The following CACNA1S variants were observed in gnomAD, a reference collection of about 807,000 sequenced individuals.
CACNA1S encodes the protein voltage-dependent L-type calcium channel subunit alpha-1S.
CACNA1S carries 126 observed loss-of-function variants against 207.4 expected under a neutral mutation model. That is an observed-to-expected ratio of 0.61 (90% CI 0.53 to 0.70). CACNA1S has a LOEUF of 0.70. CACNA1S is among the 30% of genes least tolerant of loss of function. The pLI, the probability that CACNA1S is intolerant of heterozygous loss-of-function variation, is 0.00. For missense variants in CACNA1S, 2,349 were observed against 2,422.8 expected (o/e 0.97, Z 0.64); for synonymous variants, 960 against 932.7 (o/e 1.03, Z -0.53).
Position 201,097,459 on chromosome 1 carries a change from C to T in CACNA1S, c.259-3438G>A, listed in dbSNP as rs903972381. Among the ~76,000 whole-genome samples the T allele has an allele frequency of 1.1e-4, 17 of 152,174 alleles. No individual in the cohort carries two copies. In the East Asian group the frequency reaches 1.2e-3, roughly 10 times the overall value. On this transcript the variant is annotated intron_variant, in intron 2 of 43. Transcript: ENST00000362061. ...CCCCAGCCTCCACCTTTGCTCATCCCGGCCCCTCTGCCCAGAGTGTCCCTG... is the reference window on the plus strand; with the variant it reads ...CCCCAGCCTCCACCTTTGCTCATCCTGGCCCCTCTGCCCAGAGTGTCCCTG...
rs115263725 is a variant in CACNA1S, at chr1:201,063,808, C to T, written c.2854-1294G>A. Among the ~76,000 whole-genome samples, 977 of 152,246 alleles carry T rather than the reference C, an allele frequency of 6.4e-3. 12 individuals carry two copies. The highest frequency in any genetic ancestry group is 0.022 in the African/African-American group (904 of 41,544). ...GCTGGAGCAGAAGGTGAAGGTGAGG[C>T]GGGTGGTACTGGGGGTAAGCAGAGA... On this transcript the variant is annotated intron_variant, in intron 22 of 43. Coordinates refer to ENST00000362061, the MANE Select transcript of CACNA1S (RefSeq NM_000069.3).
At chr1:201,058,121 T>C (rs1446292317) in intron 28 of CACNA1S, among the ~76,000 whole-genome samples, 1 of 152,318 alleles carries the variant, frequency 6.6e-6, no homozygotes, top group African/African-American at 2.4e-5. Flanking sequence ...ACCACCTCCA[T>C]GAAGCCTTCT....
chr1:201,059,334 G>C (rs1231512090), intron 26 of CACNA1S, 35 bp from the exon 27 acceptor site: 3 of 1,450,886 alleles, frequency 2.1e-6, no homozygotes, highest in Non-Finnish European at 2.9e-6. Context: ...GGGTCAGGGG[G>C]GCCGGGTTTG....
chr1:201,063,981 T>A (rs966103662), intron 22 of CACNA1S, among the ~76,000 whole-genome samples: 1 of 152,230 alleles, frequency 6.6e-6, no homozygotes, highest in Non-Finnish European at 1.5e-5. Context: ...CAACTGGAAC[T>A]GTTATGCTTC....
rs753855529 is a variant in CACNA1S, at chr1:201,077,049, GAGC to G, written c.1695_1697del (p.Leu566del). 1 of 1,614,180 alleles carries G rather than the reference GAGC, an allele frequency of 6.2e-7. No individual in the cohort carries two copies. Among genetic ancestry groups the G allele is most frequent in the Admixed American group, 1.7e-5 (1 of 60,036 alleles). Reference sequence around the variant, plus strand: ...GGGCGAAGATGACGATGAAGAGGAAGAGCAGCAGCAGCAGGGAGGCGATGGAGC... The same window carrying G: ...GGGCGAAGATGACGATGAAGAGGAAGAGCAGCAGCAGGGAGGCGATGGAGC... On this transcript the variant is annotated inframe_deletion, in exon 12 of 44. Coordinates refer to ENST00000362061, the MANE Select transcript of CACNA1S (RefSeq NM_000069.3).
At chr1:201,092,679 AAAC>A (rs753898363) in intron 3 of CACNA1S, among the ~76,000 whole-genome samples, 2 of 152,246 alleles carry the variant, frequency 1.3e-5, no homozygotes, top group Non-Finnish European at 2.9e-5. Flanking sequence ...ATTGCGTATG[AAAC>A]AACAATGCGC....
intron 32 of CACNA1S, among the ~76,000 whole-genome samples, 193 bp from the exon 33 acceptor site, chr1:201,051,336 C>T (rs1660641964): frequency 6.6e-6 from 1 of 152,108 alleles, no homozygotes; most frequent in East Asian, 1.9e-4. Flanking sequence ...TGTGCTGCAG[C>T]CCTCATGGGG....
intron 3 of CACNA1S, 89 bp from the exon 4 acceptor site, chr1:201,092,203 G>C (rs1662259558): frequency 1.3e-6 from 2 of 1,484,670 alleles, no homozygotes; most frequent in Non-Finnish European, 1.9e-6. Flanking sequence ...GTCCATGCTT[G>C]AGCACCTGTG....
At chr1:201,100,858 CT>C (rs202047386) in intron 2 of CACNA1S, among the ~76,000 whole-genome samples, 2,882 of 144,430 alleles carry the variant, frequency 0.02, 78 homozygotes, top group East Asian at 0.13. Flanking sequence ...AAGGTAAGTA[CT>C]TTTTTTTTTT....
At position 201,049,013 on chromosome 1, in the gene CACNA1S, A is replaced by G; in HGVS notation, c.4328T>C (p.Val1443Ala). 6.2e-7 allele frequency: 1 copy of G among 1,613,316 alleles called. No homozygotes were observed. Among genetic ancestry groups the G allele is most frequent in the Non-Finnish European group, 8.5e-7 (1 of 1,179,478 alleles). ...LGFGKFCPHRVACKRLVGMNM... is the reference protein window; with the variant it reads ...LGFGKFCPHRAACKRLVGMNM... The stretch of plus-strand genomic sequence containing the variant: ...GGCAGCTCTGGTTACCTTACAAGCT[A>G]CCCGATGTGGGCAGAACTTCCCAAA... The change falls in exon 35 of 44, where the codon GTA (valine) becomes GCA (alanine). Residue 1443 changes from valine to alanine, a missense_variant. Physicochemically the swap from Val to Ala is moderately conservative, Grantham distance 64. Transcript: ENST00000362061.
intron 26 of CACNA1S, 136 bp downstream of exon 26, chr1:201,060,522 C>T: frequency 1.1e-6 from 1 of 906,114 alleles, no homozygotes. Context: ...TTCTGTATTC[C>T]ATGTAGCACC....
At chr1:201,096,349 C>T (rs1271905962) in intron 2 of CACNA1S, among the ~76,000 whole-genome samples, 3 of 152,244 alleles carry the variant, frequency 2.0e-5, no homozygotes, top group African/African-American at 7.2e-5. Flanking sequence ...AGGGATGTGT[C>T]CCCTCTTGCA....
chr1:201,097,255 C>T (rs1398071002), intron 2 of CACNA1S, among the ~76,000 whole-genome samples: 1 of 152,216 alleles, frequency 6.6e-6, no homozygotes, highest in Non-Finnish European at 1.5e-5. Flanking sequence ...CGGCTACTGC[C>T]TTGCTTGCAA....
chr1:201,058,433 A>G lies in CACNA1S; in HGVS notation c.3584T>C (p.Ile1195Thr), dbSNP rs200366112. Residue 1195 changes from isoleucine to threonine, a missense_variant, in exon 28 of 44, where the codon ATT (isoleucine) becomes ACT (threonine). Physicochemically the swap from Ile to Thr is moderately conservative, Grantham distance 89. Transcript: ENST00000362061. The stretch of plus-strand genomic sequence containing the variant: ...GTCGATCTCACTGAGGATGACATCA[A>G]TGATGCTGCCAATGACAATCAGGAA... ...FDFLIVIGSI[I>T]DVILSEIDTF... 1.1e-5 allele frequency: 17 copies of G among 1,614,164 alleles called. No individual in the cohort carries two copies. Among genetic ancestry groups the G allele is most frequent in the South Asian group, 3.3e-5 (3 of 91,086 alleles).
intron 14 of CACNA1S, among the ~76,000 whole-genome samples, chr1:201,074,294 G>A (rs557057096): frequency 2.6e-5 from 4 of 152,344 alleles, no homozygotes; most frequent in East Asian, 1.9e-4. Flanking sequence ...CCTGAGGCCT[G>A]TCTGTCCAGA....
intron 2 of CACNA1S, among the ~76,000 whole-genome samples, chr1:201,096,790 T>C (rs1273713420): frequency 6.6e-6 from 1 of 152,218 alleles, no homozygotes; most frequent in African/African-American, 2.4e-5. Context: ...ACATCACAGC[T>C]ATTCTTATGA....
chr1:201,047,447 C>T (rs1660507393), intron 37 of CACNA1S, 78 bp downstream of exon 37: 1 of 1,352,144 alleles, frequency 7.4e-7, no homozygotes, highest in Non-Finnish European at 1.1e-6. Flanking sequence ...CTCAGATTCC[C>T]ATGGGGCTCC....
At chr1:201,089,131 A>T (rs1662132038) in intron 6 of CACNA1S, 127 bp downstream of exon 6, 6 of 838,846 alleles carry the variant, frequency 7.2e-6, no homozygotes, top group African/African-American at 1.7e-5. Flanking sequence ...GGGAGGAGCA[A>T]GAGGGAGCTG....
At chr1:201,112,052 C>G in intron 1 of CACNA1S, 136 bp downstream of exon 1, 2 of 766,286 alleles carry the variant, frequency 2.6e-6, no homozygotes, top group Middle Eastern at 3.4e-4. Context: ...GCTCCTCACT[C>G]AATTCTGTGA....
Sources: gnomAD v4.1 joint callset for allele counts (sites outside exome capture counted in the v4.1 genomes callset) on GRCh38, gnomAD v4.1.1 for gene constraint, MANE v1.5 for transcripts, NCBI Gene and HGNC (gene_info 2026-07-23, HGNC 2026-07-21) for gene names.